Variants in SRSF12 observed in about 807,000 individuals in gnomAD.
SRSF12 encodes the protein serine/arginine-rich splicing factor 12.
Under a neutral mutation model 34.1 loss-of-function variants are expected in SRSF12, and 21 were observed. The observed-to-expected ratio is 0.62, with a 90% CI of 0.44 to 0.89. SRSF12 has a LOEUF of 0.89. Ranked by LOEUF, SRSF12 falls within the 40% of genes least tolerant of loss-of-function variation. The pLI is 0.00. For missense variants in SRSF12, 278 were observed against 327.8 expected (o/e 0.85, Z 1.17); for synonymous variants, 111 against 110.8 (o/e 1.00, Z -0.01).
rs1265071729 is a variant in SRSF12 at position 89,096,441 on chromosome 6, T to C, written c.*2137A>G. On this transcript the variant is annotated 3_prime_UTR_variant, in exon 5 of 5. Transcript: ENST00000452027. Reference sequence around the variant, plus strand: ...GAATAACTTAAGACATATAGAACAGTGCCAAGCATGTACTAAATGCTCAAA... The same window carrying C: ...GAATAACTTAAGACATATAGAACAGCGCCAAGCATGTACTAAATGCTCAAA... The C allele has an allele frequency of 6.6e-6, 1 of 152,186 alleles. No individual in the cohort carries two copies. Among genetic ancestry groups the C allele is most frequent in the African/African-American group, 2.4e-5 (1 of 41,442 alleles). 9.4% of individuals were successfully genotyped at this position (152,186 alleles called of 1,614,324 possible).
chr6:89,111,359 G>C (rs1769042396), intron 1 of SRSF12, among the ~76,000 whole-genome samples: 1 of 152,082 alleles, frequency 6.6e-6, no homozygotes, highest in African/African-American at 2.4e-5. Context: ...TGGTGCAAAG[G>C]TTCTGCACAT....
chr6:89,102,489 T>A (rs989903714), intron 4 of SRSF12, among the ~76,000 whole-genome samples: 2 of 152,196 alleles, frequency 1.3e-5, no homozygotes, highest in African/African-American at 4.8e-5. Flanking sequence ...GAATATATTC[T>A]GGAATAAATT....
Position 89,117,959 on chromosome 6 carries a change from A to G in SRSF12, c.-72T>C. 10 of 1,473,354 alleles carry G rather than the reference A, an allele frequency of 6.8e-6. 1 individual carries two copies. In the South Asian group the frequency reaches 1.0e-4, roughly 15 times the overall value. 91.3% of individuals were successfully genotyped at this position (1,473,354 alleles called of 1,614,324 possible). A position where few individuals can be genotyped will look rare whatever the true frequency, so the allele number is the denominator to read the frequency against. ...CGCTCCGTCTCCCGCTACCGCTGCT[A>G]CCACCACAGGAGCTCCGCCGGCCCC... On this transcript the variant is annotated 5_prime_UTR_variant, in exon 1 of 5. Coordinates refer to ENST00000452027, the MANE Select transcript of SRSF12 (RefSeq NM_080743.5).
chr6:89,103,713 G>T (rs866348581), intron 4 of SRSF12, among the ~76,000 whole-genome samples: 2 of 152,070 alleles, frequency 1.3e-5, no homozygotes, highest in Non-Finnish European at 2.9e-5. Flanking sequence ...ACCCGCCTTG[G>T]CCTCCCAAAG....
chr6:89,113,693 G>A (rs528156715), intron 1 of SRSF12, among the ~76,000 whole-genome samples: 1 of 152,150 alleles, frequency 6.6e-6, no homozygotes, highest in South Asian at 2.1e-4. Flanking sequence ...CTCACCCCCG[G>A]AGTGCAGTGG....
Position 89,117,832 on chromosome 6 carries a change from T to C in SRSF12, c.56A>G (p.Asp19Gly). ...AGCCGCGGCCGTTCACCTGGTGGCG[T>C]CCGCGACGTTCCTGATGAACAGGGA... ...NTSLFIRNVA[D>G]ATRPEDLRRE... is the part of the protein sequence containing the mutation. The change falls in exon 1 of 5, where the codon GAC becomes GGC. Residue 19 changes from aspartate to glycine, a missense_variant. Coordinates refer to ENST00000452027, the MANE Select transcript of SRSF12 (RefSeq NM_080743.5). 24 of 1,557,820 alleles carry C rather than the reference T, an allele frequency of 1.5e-5. No individual in the cohort carries two copies. The highest frequency in any genetic ancestry group is 2.0e-5 in the Non-Finnish European group (23 of 1,154,704).
Position 89,096,241 on chromosome 6 carries a change from G to C in SRSF12, c.*2337C>G, listed in dbSNP as rs903231047. ...CTTTGCAAAAGACATAGGAACAGCA[G>C]TCAGGAAGAGGACTCTGAAGCCCAG... On this transcript the variant is annotated 3_prime_UTR_variant, in exon 5 of 5. Coordinates refer to ENST00000452027, the MANE Select transcript of SRSF12 (RefSeq NM_080743.5). The C allele has an allele frequency of 6.6e-6, 1 of 152,180 alleles. No individual in the cohort carries two copies. The highest frequency in any genetic ancestry group is 2.4e-5 in the African/African-American group (1 of 41,442). 9.4% of individuals were successfully genotyped at this position (152,180 alleles called of 1,614,324 possible).
chr6:89,118,030 C>T lies in SRSF12; in HGVS notation c.-143G>A. 1.3e-6 allele frequency: 1 copy of T among 771,554 alleles called. No individual in the cohort carries two copies. The highest frequency in any genetic ancestry group is 1.9e-6 in the Non-Finnish European group (1 of 534,214). The allele number at this position is 771,554 out of a possible 1,614,324, so 47.8% of individuals were successfully genotyped here. Reference sequence around the variant, plus strand: ...GGCCTCAGCCCCGCCAGCGCGCAGCCGCAGAGGCCGGCGCAGAGGGGGCGC... The same window carrying T: ...GGCCTCAGCCCCGCCAGCGCGCAGCTGCAGAGGCCGGCGCAGAGGGGGCGC... On this transcript the variant is annotated 5_prime_UTR_variant, in exon 1 of 5. Transcript: ENST00000452027.
At chr6:89,106,464 G>A (rs1768792013) in intron 2 of SRSF12, among the ~76,000 whole-genome samples, 2 of 152,042 alleles carry the variant, frequency 1.3e-5, no homozygotes, top group Non-Finnish European at 2.9e-5. Flanking sequence ...AAACATAAAA[G>A]CAATCTGTAA....
At chr6:89,099,224 A>G (rs553538306) in intron 4 of SRSF12, among the ~76,000 whole-genome samples, 14 of 152,050 alleles carry the variant, frequency 9.2e-5, no homozygotes, top group Admixed American at 6.6e-4. Context: ...TCTGAGTTAT[A>G]CAGCTCTTAA....
At position 89,099,439 on chromosome 6, in the gene SRSF12, T is replaced by TATATATGTGTGTGTATATAC. The variant is rs1562191966; in HGVS notation, c.417-493_417-492insGTATATACACACACATATAT. 2.3e-4 allele frequency among the ~76,000 whole-genome samples: 29 copies of TATATATGTGTGTGTATATAC among 127,466 alleles called. 1 individual carries two copies. The highest frequency in any genetic ancestry group is 8.9e-4 in the African/African-American group (28 of 31,452). 83.6% of individuals were successfully genotyped at this position (127,466 alleles called of 152,430 possible). A position where few individuals can be genotyped will look rare whatever the true frequency, so the allele number is the denominator to read the frequency against. On this transcript the variant is annotated intron_variant, in intron 4 of 4. Transcript: ENST00000452027. ...ACATATATATATGTGTGTATATATA[T>TATATATGTGTGTGTATATAC]ACACATATATATGTGTGTATATATG... is the stretch of plus-strand genomic sequence containing the variant.
chr6:89,114,845 G>A (rs1207236823), intron 1 of SRSF12, among the ~76,000 whole-genome samples: 1 of 152,134 alleles, frequency 6.6e-6, no homozygotes, highest in African/African-American at 2.4e-5. Context: ...CGCCCAGGCT[G>A]GAGTGCAATG....
intron 2 of SRSF12, among the ~76,000 whole-genome samples, chr6:89,106,254 A>C (rs1042038427): frequency 2.0e-5 from 3 of 149,124 alleles, no homozygotes; most frequent in Non-Finnish European, 3.0e-5. Context: ...CTGGGACTAC[A>C]GGTGCCCGGC....
intron 1 of SRSF12, among the ~76,000 whole-genome samples, chr6:89,114,167 C>T (rs976958509): frequency 6.6e-6 from 1 of 152,206 alleles, no homozygotes; most frequent in Non-Finnish European, 1.5e-5. Context: ...GTGGCTCATG[C>T]CTGTAATCCC....
At chr6:89,100,198 A>G (rs1260599160) in intron 4 of SRSF12, among the ~76,000 whole-genome samples, 1 of 152,216 alleles carries the variant, frequency 6.6e-6, no homozygotes, top group African/African-American at 2.4e-5. Flanking sequence ...AGGGACCAGC[A>G]AAAAACCGGA....
chr6:89,105,400 T>C (rs761428820), intron 3 of SRSF12, 27 bp downstream of exon 3: 2 of 1,579,324 alleles, frequency 1.3e-6, no homozygotes, highest in South Asian at 2.3e-5. Flanking sequence ...GCTGAATAAA[T>C]AAAATCTAGC....
rs540828757 is a variant in SRSF12, at chr6:89,116,791, C to T, written c.65+1032G>A. On this transcript the variant is annotated intron_variant, in intron 1 of 4. Transcript: ENST00000452027. ...ACTTTGTCTAAAAAAAAAAAAAAAACTAAAAAATAAAAAATACTTAACGTT... is the reference window on the plus strand; with the variant it reads ...ACTTTGTCTAAAAAAAAAAAAAAAATTAAAAAATAAAAAATACTTAACGTT... 2.8e-5 allele frequency among the ~76,000 whole-genome samples: 4 copies of T among 145,386 alleles called. No homozygotes were observed. The East Asian group carries it at 5.9e-4, about 22-fold the overall frequency.
intron 2 of SRSF12, 134 bp from the exon 3 acceptor site, chr6:89,105,664 G>C: frequency 1.8e-6 from 1 of 567,052 alleles, no homozygotes. Context: ...AATATAATAT[G>C]AATAATCAGA....
intron 4 of SRSF12, among the ~76,000 whole-genome samples, chr6:89,099,456 G>GTATATATACACA (rs1165109904): frequency 2.8e-5 from 4 of 141,316 alleles, no homozygotes; most frequent in African/African-American, 1.1e-4. Context: ...ATATATGTGT[G>GTATATATACACA]TATATATGTG....
Sources: allele counts gnomAD v4.1 joint callset (sites outside exome capture counted in the v4.1 genomes callset), GRCh38; gene constraint gnomAD v4.1.1; transcripts MANE v1.5; gene names NCBI Gene and HGNC (gene_info 2026-07-23, HGNC 2026-07-21).